SMO: variants seen among roughly 807,000 people sequenced by gnomAD.
SMO encodes the protein smoothened, frizzled class receptor, also known as protein smoothened.
SMO carries 40 observed loss-of-function variants against 81.6 expected under a neutral mutation model. The observed-to-expected ratio is 0.49, with a 90% confidence interval of 0.38 to 0.64. SMO has a LOEUF of 0.64. Among genes scored for constraint, SMO ranks in the 30% least tolerant of loss-of-function variants. SMO has a pLI of 0.00. For missense variants in SMO, 916 were observed against 1,061.1 expected, an observed-to-expected ratio of 0.86 and a Z score of 1.90; for synonymous variants, 434 against 432.1, an observed-to-expected ratio of 1.00 and a Z score of -0.05.
Position 129,212,125 on chromosome 7 carries a change from A to G in SMO, c.2038A>G (p.Lys680Glu). The part of the protein sequence containing the change: ...GRKKKRRKRK[K>E]EVCPLAPPPE... Reference sequence around the variant, plus strand: ...GAAGAAGAAGAGGAGGAAGAGGAAGAAGGAGGTGTGCCCGCTGGCGCCGCC... The same window carrying G: ...GAAGAAGAAGAGGAGGAAGAGGAAGGAGGAGGTGTGCCCGCTGGCGCCGCC... Residue 680 changes from lysine to glutamate, a missense_variant, in exon 12 of 12, where the codon AAG becomes GAG. Physicochemically the swap from Lys to Glu is moderately conservative, Grantham distance 56. Coordinates refer to ENST00000249373, the MANE Select transcript of SMO (RefSeq NM_005631.5). The surrounding 1 kb of genome is among the most constrained non-coding windows in gnomAD (Gnocchi z 5.0). 1.3e-6 allele frequency: 2 copies of G among 1,566,834 alleles called. No homozygotes were observed. The highest frequency in any genetic ancestry group is 1.7e-6 in the Non-Finnish European group (2 of 1,156,520).
rs2150654669 is a variant in SMO at position 129,211,025 on chromosome 7, G to A, written c.1713G>A (p.Lys571=). The A allele has an allele frequency of 1.2e-6, 2 of 1,614,042 alleles. No individual in the cohort carries two copies. Among genetic ancestry groups the A allele is most frequent in the Non-Finnish European group, 1.7e-6 (2 of 1,179,970 alleles). ...TCAAGAAGAGCAAGATGATTGCCAA[G>A]GCCTTCTCTAAGCGGCACGAGCTCC... The part of the protein sequence containing the change: ...KRIKKSKMIA[K]AFSKRHELLQ... The change falls in exon 10 of 12, where the codon AAG becomes AAA. Residue 571 remains lysine (K), a synonymous_variant. Transcript: ENST00000249373. The surrounding 1 kb of genome is among the most constrained non-coding windows in gnomAD (Gnocchi z 4.6).
intron 7 of SMO, 200 bp downstream of exon 7, chr7:129,209,051 G>T (rs1026220165): frequency 4.9e-6 from 3 of 617,392 alleles, no homozygotes; most frequent in Non-Finnish European, 8.8e-6. Context: ...ATTCAGTCAA[G>T]TTCATGCCGG....
At chr7:129,201,972 C>G (rs71583823) in intron 1 of SMO, among the ~76,000 whole-genome samples, 1 of 152,058 alleles carries the variant, frequency 6.6e-6, no homozygotes, top group South Asian at 2.1e-4. Flanking sequence ...TGAGCCACTG[C>G]GCCTGGCCAA....
rs587778687 is a variant in SMO at position 129,189,250 on chromosome 7, C to T, written c.99C>T (p.Ser33=). 2 of 1,223,282 alleles carry T rather than the reference C, an allele frequency of 1.6e-6. No individual in the cohort carries two copies. Among genetic ancestry groups the T allele is most frequent in the Non-Finnish European group, 2.0e-6 (2 of 978,280 alleles). 75.8% of individuals were successfully genotyped at this position (1,223,282 alleles called of 1,614,324 possible). ...ACCCGGGCCGGGGGGCGGCCTCGAG[C>T]GGGAACGCGACCGGGCCTGGGCCTC... is the stretch of plus-strand genomic sequence containing the variant. ...LGDPGRGAAS[S]GNATGPGPRS... The change falls in exon 1 of 12, where the codon AGC becomes AGT. Residue 33 remains serine, a synonymous_variant. Coordinates refer to ENST00000249373, the MANE Select transcript of SMO (RefSeq NM_005631.5). This position sits in a 1 kb window ranked among gnomAD's most constrained non-coding sequence, Gnocchi z 4.7.
In SMO at chr7:129,206,409, A is replaced by T. The variant is rs2150650499; in HGVS notation, c.1140+40A>T. 6.2e-7 allele frequency: 1 copy of T among 1,613,808 alleles called. No individual in the cohort carries two copies. The highest frequency in any genetic ancestry group is 8.5e-7 in the Non-Finnish European group (1 of 1,179,830). On this transcript the variant is annotated intron_variant, in intron 5 of 11. Coordinates refer to ENST00000249373, the MANE Select transcript of SMO (RefSeq NM_005631.5). The surrounding 1 kb of genome is among the most constrained non-coding windows in gnomAD (Gnocchi z 4.4). ...AGGAACGGGAGACCTGGATGGGGTG[A>T]GTTTGAGGGAGGGGGCCAGTAACCC...
In SMO at chr7:129,211,897, T is replaced by C; in HGVS notation, c.1936+127T>C. On this transcript the variant is annotated intron_variant, in intron 11 of 11. Transcript: ENST00000249373. This position sits in a 1 kb window ranked among gnomAD's most constrained non-coding sequence, Gnocchi z 4.6. Reference sequence around the variant, plus strand: ...GAAAGGCCCCAGAGGATCTGAAGAGTGGGGCTGAGGCTCTAAGAGTCTAGA... The same window carrying C: ...GAAAGGCCCCAGAGGATCTGAAGAGCGGGGCTGAGGCTCTAAGAGTCTAGA... 1 of 1,435,534 alleles carries C rather than the reference T, an allele frequency of 7.0e-7. No individual in the cohort carries two copies. Among genetic ancestry groups the C allele is most frequent in the Non-Finnish European group, 9.6e-7 (1 of 1,043,954 alleles). 88.9% of individuals were successfully genotyped at this position (1,435,534 alleles called of 1,614,324 possible).
chr7:129,189,586 A>T lies in SMO; in HGVS notation c.331+104A>T. The T allele has an allele frequency of 7.8e-7, 1 of 1,287,726 alleles. No individual in the cohort carries two copies. The highest frequency in any genetic ancestry group is 1.1e-6 in the Non-Finnish European group (1 of 942,348). 79.8% of individuals were successfully genotyped at this position (1,287,726 alleles called of 1,614,324 possible). ...GGCCTGAGTTTTGGAGAGGGCGGGG[A>T]CAGCACCCGGGAGAGTTGGAGGGAC... On this transcript the variant is annotated intron_variant, in intron 1 of 11. Coordinates refer to ENST00000249373, the MANE Select transcript of SMO (RefSeq NM_005631.5). The surrounding 1 kb of genome is among the most constrained non-coding windows in gnomAD (Gnocchi z 4.7).
At chr7:129,203,291 C>A (rs917963414) in intron 1 of SMO, 93 bp from the exon 2 acceptor site, 3 of 914,704 alleles carry the variant, frequency 3.3e-6, no homozygotes, top group African/African-American at 3.3e-5. Flanking sequence ...TGATGGGCTG[C>A]AGTGTGGCAA....
At chr7:129,196,702 A>G (rs1268266238) in intron 1 of SMO, among the ~76,000 whole-genome samples, 6 of 151,962 alleles carry the variant, frequency 3.9e-5, no homozygotes, top group Non-Finnish European at 7.4e-5. Context: ...CATTTATTTC[A>G]CTTTGTTTGT....
rs565008957 is a variant in SMO, at chr7:129,189,875, T to A, written c.331+393T>A. Among the ~76,000 whole-genome samples the A allele has an allele frequency of 2.6e-5, 4 of 151,116 alleles. No homozygotes were observed. The South Asian group carries it at 8.4e-4, about 32-fold the overall frequency. ...GTTGAAGACCCTGGGGAAATTGGAG[T>A]TGGAGAGGAAAAGGGGAGGGATGAC... On this transcript the variant is annotated intron_variant, in intron 1 of 11. Coordinates refer to ENST00000249373, the MANE Select transcript of SMO (RefSeq NM_005631.5). The surrounding 1 kb of genome is among the most constrained non-coding windows in gnomAD (Gnocchi z 4.7).
chr7:129,206,480 T>G lies in SMO; in HGVS notation c.1157T>G (p.Val386Gly), dbSNP rs773684844. 1 of 1,614,110 alleles carries G rather than the reference T, an allele frequency of 6.2e-7. No homozygotes were observed. Among genetic ancestry groups the G allele is most frequent in the South Asian group, 1.1e-5 (1 of 91,074 alleles). Residue 386 changes from valine to glycine, a missense_variant, in exon 6 of 12, where the codon GTG (valine) becomes GGG (glycine). Val to Gly is a moderately radical substitution (Grantham distance 109). Transcript: ENST00000249373. This position sits in a 1 kb window ranked among gnomAD's most constrained non-coding sequence, Gnocchi z 4.4. ...LAVAQVDGDS[V>G]SGICFVGYKN... ...CTGCTGCAGGTGGATGGGGACTCTG[T>G]GAGTGGGATTTGTTTTGTGGGCTAC...
In SMO at chr7:129,212,770, C is replaced by G. The variant is rs568093556; in HGVS notation, c.*319C>G. On this transcript the variant is annotated 3_prime_UTR_variant, in exon 12 of 12. Coordinates refer to ENST00000249373, the MANE Select transcript of SMO (RefSeq NM_005631.5). This position sits in a 1 kb window ranked among gnomAD's most constrained non-coding sequence, Gnocchi z 5.0. ...TGCAGAGCTTGTGGTGGGGCAGGAACGGTGGAGGCAGAGGTGACAGTTCCC... is the reference window on the plus strand; with the variant it reads ...TGCAGAGCTTGTGGTGGGGCAGGAAGGGTGGAGGCAGAGGTGACAGTTCCC... The G allele has an allele frequency of 2.5e-6, 1 of 396,770 alleles. No homozygotes were observed. The highest frequency in any genetic ancestry group is 4.5e-6 in the Non-Finnish European group (1 of 221,168). 24.6% of individuals were successfully genotyped at this position (396,770 alleles called of 1,614,324 possible). A position where few individuals can be genotyped will look rare whatever the true frequency, so the allele number is the denominator to read the frequency against.
chr7:129,207,511 T>C (rs575509338), intron 6 of SMO, among the ~76,000 whole-genome samples: 2 of 152,320 alleles, frequency 1.3e-5, no homozygotes, highest in Admixed American at 1.3e-4. Context: ...CAGTCACCTC[T>C]TTCCCCTCTT....
Position 129,189,563 on chromosome 7 carries a change from C to T in SMO, c.331+81C>T. The T allele has an allele frequency of 6.8e-7, 1 of 1,466,440 alleles. No homozygotes were observed. The highest frequency in any genetic ancestry group is 9.1e-7 in the Non-Finnish European group (1 of 1,093,956). 90.8% of individuals were successfully genotyped at this position (1,466,440 alleles called of 1,614,324 possible). On this transcript the variant is annotated intron_variant, in intron 1 of 11. Transcript: ENST00000249373. This position sits in a 1 kb window ranked among gnomAD's most constrained non-coding sequence, Gnocchi z 4.7. ...CACCCTTGGAAAGAACAGGCTCAGGCCTGAGTTTTGGAGAGGGCGGGGACA... is the reference window on the plus strand; with the variant it reads ...CACCCTTGGAAAGAACAGGCTCAGGTCTGAGTTTTGGAGAGGGCGGGGACA...
intron 1 of SMO, among the ~76,000 whole-genome samples, chr7:129,198,387 G>A (rs960083902): frequency 2.6e-5 from 4 of 152,208 alleles, no homozygotes; most frequent in Admixed American, 6.5e-5. Context: ...ACTGGTTTTT[G>A]TGTCCTTTTG....
rs1793893107 is a variant in SMO, at chr7:129,212,461, G to A, written c.*10G>A. 13 of 1,606,886 alleles carry A rather than the reference G, an allele frequency of 8.1e-6. No individual in the cohort carries two copies. Among genetic ancestry groups the A allele is most frequent in the South Asian group, 2.2e-5 (2 of 90,926 alleles). ...AGACTCGGACTTCTGAGCCTGCAGAGCAGGACCTGGGACAGGAAAGAGAGG... is the reference window on the plus strand; with the variant it reads ...AGACTCGGACTTCTGAGCCTGCAGAACAGGACCTGGGACAGGAAAGAGAGG... On this transcript the variant is annotated 3_prime_UTR_variant, in exon 12 of 12. Coordinates refer to ENST00000249373, the MANE Select transcript of SMO (RefSeq NM_005631.5). The surrounding 1 kb of genome is among the most constrained non-coding windows in gnomAD (Gnocchi z 5.0).
intron 1 of SMO, among the ~76,000 whole-genome samples, chr7:129,196,833 T>C (rs978500749): frequency 1.1e-4 from 17 of 152,056 alleles, no homozygotes; most frequent in Admixed American, 5.9e-4. Context: ...CTGGCTAACA[T>C]GGTGAAACTC....
rs562991806 is a variant in SMO, at chr7:129,206,951, T to C, written c.1264+364T>C. On this transcript the variant is annotated intron_variant, in intron 6 of 11. Coordinates refer to ENST00000249373, the MANE Select transcript of SMO (RefSeq NM_005631.5). This position sits in a 1 kb window ranked among gnomAD's most constrained non-coding sequence, Gnocchi z 4.4. ...CCTTCGCCTCCTGGGTTCAAGTGAT[T>C]CTCCTGCCTCACCCTCCCCCATAGC... Among the ~76,000 whole-genome samples the C allele has an allele frequency of 2.0e-4, 30 of 152,250 alleles. No individual in the cohort carries two copies. The South Asian group carries it at 6.0e-3, about 31-fold the overall frequency.
At chr7:129,194,273 G>A in intron 1 of SMO, among the ~76,000 whole-genome samples, 1 of 152,104 alleles carries the variant, frequency 6.6e-6, no homozygotes, top group East Asian at 1.9e-4. Flanking sequence ...CCAGGCTGGA[G>A]TGCAGTGGCT....
Sources: gnomAD v4.1 joint callset for allele counts (sites outside exome capture counted in the v4.1 genomes callset) on GRCh38, gnomAD v4.1.1 for gene constraint, Gnocchi (gnomAD v3.1) non-coding constraint, MANE v1.5 for transcripts, NCBI Gene and HGNC (gene_info 2026-07-23, HGNC 2026-07-21) for gene names.